Variants in ACBD6 observed in about 807,000 individuals in gnomAD.
ACBD6 encodes the protein acyl-CoA binding domain containing 6, also known as acyl-CoA-binding domain-containing protein 6.
A neutral mutation model predicts 37.2 loss-of-function variants in ACBD6; 28 were observed. The observed-to-expected ratio is 0.75, with a 90% CI of 0.56 to 1.03. The LOEUF (loss-of-function observed/expected upper bound fraction) is 1.03, where lower values mean the gene tolerates loss of function less well. ACBD6 is among the 50% of genes least tolerant of loss of function. ACBD6 has a pLI of 0.00. For missense variants in ACBD6, 340 were observed against 337.4 expected (o/e 1.01, Z -0.06); for synonymous variants, 113 against 126.8 (o/e 0.89, Z 0.73).
chr1:180,306,412 C>T (rs1409084684), intron 7 of ACBD6, among the ~76,000 whole-genome samples: 1 of 152,068 alleles, frequency 6.6e-6, no homozygotes, highest in East Asian at 1.9e-4. Context: ...ACAATCAGGT[C>T]ATTATTAGAC....
At chr1:180,273,862 C>G (rs1648841553) in intron 11 of ACBD6, 2 of 372,282 alleles carry the variant, frequency 5.4e-6, no homozygotes, top group South Asian at 5.5e-5. Context: ...TCTGACCCAC[C>G]CAGCCTTAGG....
At chr1:180,324,488 A>C (rs1036037222) in intron 6 of ACBD6, among the ~76,000 whole-genome samples, 27 of 152,212 alleles carry the variant, frequency 1.8e-4, no homozygotes, top group Admixed American at 5.9e-4. Flanking sequence ...GCAAAAAAAA[A>C]CTAATAAAAA....
chr1:180,380,748 TTACCAC>T (rs1653611290), intron 6 of ACBD6, among the ~76,000 whole-genome samples: 1 of 151,960 alleles, frequency 6.6e-6, no homozygotes, highest in South Asian at 2.1e-4. Flanking sequence ...ACCTCAAATG[TTACCAC>T]TACAGAATAC....
intron 5 of ACBD6, 122 bp downstream of exon 5, chr1:180,413,244 C>T: frequency 4.0e-6 from 3 of 748,372 alleles, no homozygotes; most frequent in Non-Finnish European, 7.2e-6. Context: ...TTTAGATATT[C>T]TGATATACTC....
intron 3 of ACBD6, among the ~76,000 whole-genome samples, chr1:180,466,704 G>T (rs1023897786): frequency 6.6e-6 from 1 of 152,096 alleles, no homozygotes; most frequent in African/African-American, 2.4e-5. Context: ...TATAGCTCAT[G>T]AATGTCAAAA....
intron 6 of ACBD6, among the ~76,000 whole-genome samples, chr1:180,374,930 A>C (rs1653381282): frequency 6.6e-6 from 1 of 152,160 alleles, no homozygotes; most frequent in Admixed American, 6.5e-5. Context: ...TATGAGAAAA[A>C]AATGTAAAAC....
At chr1:180,357,453 A>G in intron 6 of ACBD6, among the ~76,000 whole-genome samples, 1 of 152,214 alleles carries the variant, frequency 6.6e-6, no homozygotes, top group East Asian at 1.9e-4. Context: ...GGATAATAAA[A>G]CACAAGCTAC....
chr1:180,375,338 G>GT (rs1235970004), intron 6 of ACBD6, among the ~76,000 whole-genome samples: 4 of 150,852 alleles, frequency 2.7e-5, no homozygotes, highest in Admixed American at 6.6e-5. Flanking sequence ...GGAACAGACT[G>GT]TTTTTTTTTG....
At chr1:180,352,273 ATAT>A (rs770385988) in intron 6 of ACBD6, among the ~76,000 whole-genome samples, 7 of 152,146 alleles carry the variant, frequency 4.6e-5, no homozygotes, top group African/African-American at 1.7e-4. Flanking sequence ...TTTATTGTTA[ATAT>A]TATTATTATT....
At chr1:180,470,385 G>A (rs1650517546) in intron 3 of ACBD6, among the ~76,000 whole-genome samples, 1 of 152,116 alleles carries the variant, frequency 6.6e-6, no homozygotes, top group Admixed American at 6.5e-5. Context: ...CTGATATTAA[G>A]ATTACAACCA....
At chr1:180,304,730 C>A (rs374957455) in intron 7 of ACBD6, among the ~76,000 whole-genome samples, 1 of 150,612 alleles carries the variant, frequency 6.6e-6, no homozygotes, top group East Asian at 1.9e-4. Flanking sequence ...AATGACTTTC[C>A]TCACAGAATT....
intron 2 of ACBD6, among the ~76,000 whole-genome samples, chr1:180,494,649 A>C (rs1651657908): frequency 6.6e-6 from 1 of 152,200 alleles, no homozygotes; most frequent in Non-Finnish European, 1.5e-5. Flanking sequence ...ATGTAAAGTA[A>C]GAACCCATAT....
chr1:180,303,056 A>G (rs568267549), intron 7 of ACBD6, among the ~76,000 whole-genome samples: 2,920 of 152,070 alleles, frequency 0.019, 38 homozygotes, highest in Non-Finnish European at 0.029. Context: ...TTTGAAACCA[A>G]TGAGAACAAA....
At chr1:180,344,047 G>A (rs75173421) in intron 6 of ACBD6, among the ~76,000 whole-genome samples, 2,214 of 152,306 alleles carry the variant, frequency 0.015, 26 homozygotes, top group Non-Finnish European at 0.022. Context: ...AGTTGGCTCT[G>A]TATAGAAGAA....
At chr1:180,328,322 T>C (rs547916486) in intron 6 of ACBD6, among the ~76,000 whole-genome samples, 1 of 151,934 alleles carries the variant, frequency 6.6e-6, no homozygotes, top group Non-Finnish European at 1.5e-5. Flanking sequence ...CATACACACA[T>C]ACATATTCCA....
chr1:180,488,968 T>C (rs1360899056), intron 3 of ACBD6, among the ~76,000 whole-genome samples: 1 of 152,176 alleles, frequency 6.6e-6, no homozygotes, highest in Non-Finnish European at 1.5e-5. Context: ...AGTTTCTAAC[T>C]GTGAAGACTT....
At chr1:180,381,580 A>G (rs1378244287) in intron 6 of ACBD6, among the ~76,000 whole-genome samples, 2 of 152,214 alleles carry the variant, frequency 1.3e-5, no homozygotes, top group African/African-American at 2.4e-5. Context: ...GAAACTGTAT[A>G]AATACATGGA....
intron 6 of ACBD6, among the ~76,000 whole-genome samples, chr1:180,349,616 G>C (rs1486950895): frequency 2.0e-5 from 3 of 151,814 alleles, no homozygotes; most frequent in Middle Eastern, 3.2e-3. Context: ...AATTTTATGT[G>C]TTGCCAAAGC....
At chr1:180,321,806 T>C (rs1571357649) in intron 6 of ACBD6, among the ~76,000 whole-genome samples, 1 of 152,298 alleles carries the variant, frequency 6.6e-6, no homozygotes, top group East Asian at 1.9e-4. Flanking sequence ...TATAATCTTA[T>C]GATAAATTAA....
Sources: gnomAD v4.1 joint callset for allele counts (sites outside exome capture counted in the v4.1 genomes callset) on GRCh38, gnomAD v4.1.1 for gene constraint, MANE v1.5 for transcripts, NCBI Gene and HGNC (gene_info 2026-07-23, HGNC 2026-07-21) for gene names.